FRYL: variants seen among roughly 807,000 people sequenced by gnomAD.
FRYL encodes the protein FRY like transcription coactivator.
FRYL carries 150 observed loss-of-function variants against 351.2 expected under a neutral mutation model. The ratio of observed to expected loss-of-function variants is 0.43; its 90% CI spans 0.37 to 0.49. FRYL has a LOEUF of 0.49. Ranked by LOEUF, FRYL falls within the 20% of genes least tolerant of loss-of-function variation. The pLI, the probability that FRYL is intolerant of heterozygous loss-of-function variation, is 0.00. For synonymous variants in FRYL, 1,153 were observed against 1,257.1 expected (o/e 0.92, Z 1.75); for missense variants, 3,036 against 3,619.3 (o/e 0.84, Z 4.13).
intron 2 of FRYL, among the ~76,000 whole-genome samples, chr4:48,702,773 A>AAAAAAAAAAAAAAAG (rs1553983293): frequency 7.2e-6 from 1 of 139,280 alleles, no homozygotes; most frequent in Non-Finnish European, 1.5e-5. Flanking sequence ...AAAAAAAAAA[A>AAAAAAAAAAAAAAAG]AAAGAAAAAG....
intron 1 of FRYL, among the ~76,000 whole-genome samples, chr4:48,765,792 A>G (rs776250812): frequency 6.6e-6 from 1 of 152,246 alleles, no homozygotes; most frequent in Non-Finnish European, 1.5e-5. Flanking sequence ...ATACAACTCA[A>G]TAACAACAGT....
chr4:48,666,166 A>C (rs1318390171), intron 3 of FRYL, among the ~76,000 whole-genome samples: 1 of 152,204 alleles, frequency 6.6e-6, no homozygotes, highest in Non-Finnish European at 1.5e-5. Context: ...GTTTGAGACC[A>C]GCCTGGCCAA....
chr4:48,654,001 C>A, intron 3 of FRYL: 3 of 1,005,072 alleles, frequency 3.0e-6, no homozygotes, highest in Admixed American at 3.9e-5. Context: ...TGCAGATGAA[C>A]TATCCAGTTG....
intron 47 of FRYL, among the ~76,000 whole-genome samples, chr4:48,537,421 A>C (rs1729127668): frequency 6.6e-6 from 1 of 152,214 alleles, no homozygotes; most frequent in Non-Finnish European, 1.5e-5. Flanking sequence ...CGAATCACTA[A>C]AGAGAAAAAT....
intron 22 of FRYL, chr4:48,580,536 T>C (rs773936539): frequency 7.4e-6 from 2 of 269,590 alleles, no homozygotes; most frequent in Non-Finnish European, 1.4e-5. Flanking sequence ...TTTTCACAAG[T>C]ATTTCTATCT....
chr4:48,672,757 C>T (rs1045249566), intron 3 of FRYL, among the ~76,000 whole-genome samples: 1 of 152,200 alleles, frequency 6.6e-6, no homozygotes, highest in African/African-American at 2.4e-5. Context: ...GAAACCTCAA[C>T]TCAATTTTCT....
At chr4:48,576,351 G>T in intron 23 of FRYL, 129 bp from the exon 24 acceptor site, 1 of 663,068 alleles carries the variant, frequency 1.5e-6, no homozygotes, top group Non-Finnish European at 2.4e-6. Flanking sequence ...ACCCAGGCCG[G>T]AGTGCAACTG....
chr4:48,553,379 T>G lies in FRYL; in HGVS notation c.4271A>C (p.Lys1424Thr), dbSNP rs199866090. 6.2e-7 allele frequency: 1 copy of G among 1,602,548 alleles called. No homozygotes were observed. Among genetic ancestry groups the G allele is most frequent in the Non-Finnish European group, 8.5e-7 (1 of 1,175,724 alleles). ...NSEPSLLPYV[K>T]KVIVYLGRDK... ...TCTACCTAAATATACAATGACCTTC[T>G]TCACCTGTCACAAAAGAAATCGTTC... is the stretch of plus-strand genomic sequence containing the variant. The change falls in exon 36 of 64, where the codon AAG becomes ACG. Residue 1424 changes from lysine to threonine, a missense_variant. Coordinates refer to ENST00000358350, the MANE Select transcript of FRYL (RefSeq NM_015030.2).
chr4:48,758,564 T>TA (rs1335628430), intron 1 of FRYL, among the ~76,000 whole-genome samples: 2 of 152,146 alleles, frequency 1.3e-5, no homozygotes, highest in Admixed American at 6.5e-5. Flanking sequence ...TGGCGATCAC[T>TA]AAAAAGTCAG....
chr4:48,645,584 C>T (rs1332956957), intron 3 of FRYL, among the ~76,000 whole-genome samples: 20 of 152,130 alleles, frequency 1.3e-4, no homozygotes, highest in Non-Finnish European at 2.5e-4. Flanking sequence ...TCTGACTTGA[C>T]CCTGAACTTT....
intron 1 of FRYL, among the ~76,000 whole-genome samples, chr4:48,713,817 C>T (rs1324171751): frequency 6.6e-6 from 1 of 152,184 alleles, no homozygotes; most frequent in African/African-American, 2.4e-5. Flanking sequence ...ACAGAATATA[C>T]ATTTTTTTCA....
chr4:48,614,306 C>T (rs183284023), intron 7 of FRYL, among the ~76,000 whole-genome samples: 51 of 152,182 alleles, frequency 3.4e-4, no homozygotes, highest in African/African-American at 1.2e-3. Flanking sequence ...ACAAAGAAAA[C>T]GTTCTACTTT....
intron 3 of FRYL, among the ~76,000 whole-genome samples, chr4:48,676,012 TCTAA>T (rs1408956565): frequency 1.3e-5 from 2 of 152,140 alleles, no homozygotes; most frequent in South Asian, 2.1e-4. Context: ...AAACTCTGTA[TCTAA>T]CTAATCTGAT....
chr4:48,711,440 G>C (rs1405759033), intron 1 of FRYL, among the ~76,000 whole-genome samples: 1 of 150,020 alleles, frequency 6.7e-6, no homozygotes, highest in Non-Finnish European at 1.5e-5. Flanking sequence ...AGGGTCCTAC[G>C]ACCACGGAGT....
intron 1 of FRYL, among the ~76,000 whole-genome samples, chr4:48,750,880 G>T (rs1175363662): frequency 2.0e-5 from 3 of 152,098 alleles, no homozygotes; most frequent in Non-Finnish European, 4.4e-5. Context: ...TATCCAAAAG[G>T]AGTATACCTT....
chr4:48,742,979 T>TTTTTTTTTTC (rs1772277182), intron 1 of FRYL, among the ~76,000 whole-genome samples: 1 of 133,150 alleles, frequency 7.5e-6, no homozygotes. Context: ...GATAATTTTT[T>TTTTTTTTTTC]TTTTTTTTTT....
chr4:48,713,671 G>A (rs1333877533), intron 1 of FRYL, among the ~76,000 whole-genome samples: 3 of 152,074 alleles, frequency 2.0e-5, no homozygotes, highest in Non-Finnish European at 4.4e-5. Flanking sequence ...CATTAATAAT[G>A]GGAGACTTTA....
At chr4:48,722,851 C>T (rs1578835732) in intron 1 of FRYL, among the ~76,000 whole-genome samples, 1 of 152,218 alleles carries the variant, frequency 6.6e-6, no homozygotes, top group East Asian at 1.9e-4. Context: ...TAAGACTAAG[C>T]AAGCCAAAAG....
At chr4:48,599,375 T>A (rs1745246252) in intron 13 of FRYL, among the ~76,000 whole-genome samples, 1 of 152,154 alleles carries the variant, frequency 6.6e-6, no homozygotes, top group Non-Finnish European at 1.5e-5. Flanking sequence ...TCAGTGAAAA[T>A]AACGTGACAC....
Sources: allele counts gnomAD v4.1 joint callset (sites outside exome capture counted in the v4.1 genomes callset), GRCh38; gene constraint gnomAD v4.1.1; transcripts MANE v1.5; gene names NCBI Gene and HGNC (gene_info 2026-07-23, HGNC 2026-07-21).